KLHL13: variants seen among roughly 807,000 people sequenced by gnomAD.
KLHL13 encodes the protein kelch-like protein 13.
Under a neutral mutation model 37.1 loss-of-function variants are expected in KLHL13, and 10 were observed. The ratio of observed to expected loss-of-function variants is 0.27; its 90% CI spans 0.17 to 0.46. The LOEUF (loss-of-function observed/expected upper bound fraction) is 0.46, where lower values mean the gene tolerates loss of function less well. Ranked by LOEUF, KLHL13 falls within the 20% of genes least tolerant of loss-of-function variation. The probability of loss-of-function intolerance (pLI) is 1.00; values close to 1 mark genes in which losing one functional copy is unlikely to be tolerated. For synonymous variants in KLHL13, 163 were observed against 181.2 expected (o/e 0.90, Z 0.81); for missense variants, 360 against 509.3 (o/e 0.71, Z 2.82).
chrX:117,908,307 A>G (rs1448370127), intron 5 of KLHL13, among the ~76,000 whole-genome samples: 3 of 108,039 alleles, frequency 2.8e-5, no homozygotes, highest in Admixed American at 2.0e-4. Context: ...GTTTTGTTAC[A>G]TAAGTATACA....
At chrX:117,933,136 G>T (rs1450803183) in intron 2 of KLHL13, among the ~76,000 whole-genome samples, 1 of 109,898 alleles carries the variant, frequency 9.1e-6, no homozygotes, top group Admixed American at 9.7e-5. Flanking sequence ...TGCATAGTTT[G>T]CAAGTACTTT....
At chrX:118,069,593 T>C (rs2054834807) in intron 1 of KLHL13, among the ~76,000 whole-genome samples, 1 of 109,731 alleles carries the variant, frequency 9.1e-6, no homozygotes, top group African/African-American at 3.3e-5. Context: ...AAAAGAAAAA[T>C]GCTTATATAA....
rs767177924 is a variant in KLHL13, at chrX:118,088,583, TA to T, written c.-56+27924del. 5.4e-4 allele frequency among the ~76,000 whole-genome samples: 60 copies of T among 112,074 alleles called. 1 individual carries two copies. The highest frequency in any genetic ancestry group is 1.9e-3 in the African/African-American group (59 of 30,932). On this transcript the variant is annotated intron_variant, in intron 1 of 6. Coordinates refer to the KLHL13 transcript ENST00000371882. Reference sequence around the variant, plus strand: ...TAAGGAACTGTTGCCTACATAATGATAACTTTAAATAACTCTATTGACAAAG... The same window carrying T: ...TAAGGAACTGTTGCCTACATAATGATACTTTAAATAACTCTATTGACAAAG...
At chrX:118,100,638 C>T (rs965177163) in intron 1 of KLHL13, among the ~76,000 whole-genome samples, 2 of 111,350 alleles carry the variant, frequency 1.8e-5, no homozygotes, top group African/African-American at 6.5e-5. Flanking sequence ...CTGTATTACT[C>T]GCCTACTTAA....
rs369141825 is a variant in KLHL13, at chrX:118,097,612, G to T, written c.-56+18896C>A. On this transcript the variant is annotated intron_variant, in intron 1 of 6. Transcript: ENST00000371882. ...TTCATATGGAACCAAAAAAGAGCCC[G>T]CATTGCCAAGTCGATTCCAAGCCAA... is the stretch of plus-strand genomic sequence containing the variant. Among the ~76,000 whole-genome samples, 3 of 111,643 alleles carry T rather than the reference G, an allele frequency of 2.7e-5. No individual in the cohort carries two copies. The South Asian group carries it at 1.1e-3, about 42-fold the overall frequency.
At chrX:118,013,981 C>T (rs1366136512) in intron 1 of KLHL13, among the ~76,000 whole-genome samples, 5 of 112,112 alleles carry the variant, frequency 4.5e-5, no homozygotes, top group Non-Finnish European at 9.4e-5. Flanking sequence ...CTGTTATCTT[C>T]GTAAGCGGAG....
chrX:118,111,484 G>C (rs139518422), intron 1 of KLHL13, among the ~76,000 whole-genome samples: 4,572 of 112,811 alleles, frequency 0.041, 230 homozygotes, highest in African/African-American at 0.14. Context: ...TAGGCCGGGG[G>C]AGGTGGTTCA....
chrX:118,065,921 T>C (rs2054789780), intron 1 of KLHL13, among the ~76,000 whole-genome samples: 1 of 112,286 alleles, frequency 8.9e-6, no homozygotes, highest in Non-Finnish European at 1.9e-5. Flanking sequence ...TTACTCCATT[T>C]ACTGTTTTTT....
intron 1 of KLHL13, among the ~76,000 whole-genome samples, chrX:118,050,648 T>C (rs2054604104): frequency 9.0e-6 from 1 of 111,537 alleles, no homozygotes; most frequent in Non-Finnish European, 1.9e-5. Context: ...AATTAAGAAA[T>C]TAAGGAATAA....
At chrX:118,009,731 C>T (rs1299998869) in intron 1 of KLHL13, among the ~76,000 whole-genome samples, 4 of 62,898 alleles carry the variant, frequency 6.4e-5, no homozygotes, top group African/African-American at 2.0e-4. Context: ...CTTGGCGATG[C>T]GGGCTCTTTT....
intron 6 of KLHL13, among the ~76,000 whole-genome samples, chrX:117,900,644 A>G (rs73595627): frequency 0.031 from 3,479 of 111,522 alleles, 135 homozygotes; most frequent in African/African-American, 0.11. Flanking sequence ...TAGGCCTTTC[A>G]TTGATTCTTA....
At chrX:118,013,371 T>A (rs1040340150) in intron 1 of KLHL13, among the ~76,000 whole-genome samples, 2 of 111,645 alleles carry the variant, frequency 1.8e-5, no homozygotes, top group Non-Finnish European at 3.8e-5. Flanking sequence ...CAAAAAACAT[T>A]TTAAACAACA....
In KLHL13 at chrX:117,909,341, A is replaced by C. The variant is rs375139093; in HGVS notation, c.1326T>G (p.Tyr442Ter). Residue 442 changes from tyrosine (Y) to a stop codon, truncating the protein, a stop_gained, in exon 5 of 7, where the codon TAT becomes TAG. Transcript: ENST00000262820. LOFTEE classifies it high-confidence loss of function. Reference sequence around the variant, plus strand: ...CATTTCGCCCACCAACTGCATACAGATATCCTTTGAGGGCACTTAGGTGGA... The same window carrying C: ...CATTTCGCCCACCAACTGCATACAGCTATCCTTTGAGGGCACTTAGGTGGA... 1 of 1,206,713 alleles carries C rather than the reference A, an allele frequency of 8.3e-7. No individual in the cohort carries two copies. The highest frequency in any genetic ancestry group is 1.1e-6 in the Non-Finnish European group (1 of 892,995).
At chrX:118,000,249 A>G (rs1463800922) in intron 1 of KLHL13, among the ~76,000 whole-genome samples, 2 of 112,018 alleles carry the variant, frequency 1.8e-5, no homozygotes, top group Non-Finnish European at 3.8e-5. Flanking sequence ...ACCCATCCCT[A>G]TCACAGAATC....
chrX:118,044,239 C>A lies in KLHL13; in HGVS notation c.-56+72269G>T, dbSNP rs1290317949. 2.7e-5 allele frequency among the ~76,000 whole-genome samples: 3 copies of A among 110,966 alleles called. No individual in the cohort carries two copies. In the East Asian group the frequency reaches 8.4e-4, roughly 31 times the overall value. On this transcript the variant is annotated intron_variant, in intron 1 of 6. Coordinates refer to the KLHL13 transcript ENST00000371882. Reference sequence around the variant, plus strand: ...TGATGAAAAATTGAAGTGGACACAACAAAATGGAAAGATATTTCATCTTCA... The same window carrying A: ...TGATGAAAAATTGAAGTGGACACAAAAAAATGGAAAGATATTTCATCTTCA...
At chrX:117,957,604 T>C (rs1204326159) in intron 1 of KLHL13, among the ~76,000 whole-genome samples, 3 of 112,305 alleles carry the variant, frequency 2.7e-5, no homozygotes, top group African/African-American at 9.7e-5. Flanking sequence ...AAAATTCATT[T>C]AATTTAAATA....
At chrX:118,036,797 T>C (rs1275075281) in intron 1 of KLHL13, among the ~76,000 whole-genome samples, 2 of 109,818 alleles carry the variant, frequency 1.8e-5, no homozygotes, top group Non-Finnish European at 3.8e-5. Context: ...ACCATCAGAG[T>C]GAACAGGAAA....
intron 1 of KLHL13, among the ~76,000 whole-genome samples, chrX:118,069,393 G>A (rs1484255727): frequency 1.3e-5 from 1 of 79,317 alleles, no homozygotes; most frequent in Non-Finnish European, 2.3e-5. Context: ...TTGTGTCTTC[G>A]TTTTTAACAA....
rs1491469537 is a variant in KLHL13 at position 118,089,627 on chromosome X, A to AAAGAAAGAAAG, written c.-56+26870_-56+26880dup. Among the ~76,000 whole-genome samples the AAAGAAAGAAAG allele has an allele frequency of 1.1e-3, 93 of 83,936 alleles. 1 individual carries two copies. Among genetic ancestry groups the AAAGAAAGAAAG allele is most frequent in the African/African-American group, 3.6e-3 (88 of 24,578 alleles). 72.9% of individuals were successfully genotyped at this position (83,936 alleles called of 115,157 possible). On this transcript the variant is annotated intron_variant, in intron 1 of 6. Transcript: ENST00000371882. ...GAGAGAGAGAGAAAGAAAGAGAAAG[A>AAAGAAAGAAAG]AAGAAAGAAAGAAAGAAAGAAAGAA...
Sources: gnomAD v4.1 joint callset for allele counts (sites outside exome capture counted in the v4.1 genomes callset) on GRCh38, gnomAD v4.1.1 for gene constraint, MANE v1.5 for transcripts, NCBI Gene and HGNC (gene_info 2026-07-23, HGNC 2026-07-21) for gene names.